The following ATF7IP2 variants were observed in gnomAD, a reference collection of about 807,000 sequenced individuals.
The protein encoded by ATF7IP2 is activating transcription factor 7-interacting protein 2.
Under a neutral mutation model 64.2 loss-of-function variants are expected in ATF7IP2, and 42 were observed. That is an observed-to-expected ratio of 0.65 (90% CI 0.51 to 0.85). ATF7IP2 has a LOEUF of 0.85. Among genes scored for constraint, ATF7IP2 ranks in the 40% least tolerant of loss-of-function variants. ATF7IP2 has a pLI of 0.00. For synonymous variants in ATF7IP2, 308 were observed against 272.8 expected (o/e 1.13, Z -1.27); for missense variants, 933 against 784.2 (o/e 1.19, Z -2.27).
chr16:10,446,245 T>A (rs1433729196), intron 8 of ATF7IP2: 1 of 152,226 alleles, frequency 6.6e-6, no homozygotes, highest in African/African-American at 2.4e-5. Flanking sequence ...TCAGGTCTCT[T>A]TAGATTTGGA....
At chr16:10,477,049 T>C (rs1312254406) in intron 12 of ATF7IP2, among the ~76,000 whole-genome samples, 1 of 152,210 alleles carries the variant, frequency 6.6e-6, no homozygotes, top group Admixed American at 6.5e-5. Context: ...ATGACAATTT[T>C]ATGATGAAAT....
intron 8 of ATF7IP2, among the ~76,000 whole-genome samples, chr16:10,456,240 A>T (rs2049162675): frequency 6.6e-6 from 1 of 152,242 alleles, no homozygotes; most frequent in East Asian, 1.9e-4. Context: ...TGTTTAGCAG[A>T]AAGGAACCAG....
chr16:10,412,002 CT>C (rs1266034395), intron 1 of ATF7IP2, among the ~76,000 whole-genome samples: 2 of 13,410 alleles, frequency 1.5e-4, no homozygotes, highest in Non-Finnish European at 3.1e-4. Flanking sequence ...TTTCATTTAT[CT>C]TTTTTTGTTT....
chr16:10,452,197 G>A (rs112684282), intron 8 of ATF7IP2, among the ~76,000 whole-genome samples: 355 of 152,320 alleles, frequency 2.3e-3, no homozygotes, highest in African/African-American at 8.2e-3. Flanking sequence ...AGGAGAAGAG[G>A]CGTTCTTGTT....
chr16:10,465,451 T>C (rs1416055815), intron 9 of ATF7IP2, among the ~76,000 whole-genome samples: 1 of 151,886 alleles, frequency 6.6e-6, no homozygotes, highest in Non-Finnish European at 1.5e-5. Context: ...ATGTGGTTCA[T>C]TAAAAAAGAG....
At chr16:10,436,766 G>A (rs1216570639) in intron 6 of ATF7IP2, among the ~76,000 whole-genome samples, 13 of 152,116 alleles carry the variant, frequency 8.5e-5, no homozygotes, top group Non-Finnish European at 8.8e-5. Flanking sequence ...ACACTGTGGT[G>A]AAAATTGCTT....
At chr16:10,473,845 A>C in intron 11 of ATF7IP2, 78 bp from the exon 12 acceptor site, 1 of 923,210 alleles carries the variant, frequency 1.1e-6, no homozygotes, top group Non-Finnish European at 1.6e-6. Context: ...ATTTAAAATT[A>C]CCAAATGGTT....
chr16:10,424,487 T>C (rs753366145), intron 3 of ATF7IP2, among the ~76,000 whole-genome samples: 2 of 152,236 alleles, frequency 1.3e-5, no homozygotes, highest in African/African-American at 2.4e-5. Flanking sequence ...TTTAAATCTT[T>C]AGAAATTATG....
chr16:10,406,098 A>G (rs2047633727), intron 1 of ATF7IP2, among the ~76,000 whole-genome samples: 1 of 151,876 alleles, frequency 6.6e-6, no homozygotes, highest in Non-Finnish European at 1.5e-5. Flanking sequence ...CAAAAAAAAA[A>G]AAGAAAAGCT....
intron 9 of ATF7IP2, 172 bp downstream of exon 9, chr16:10,457,701 T>G (rs1470922878): frequency 6.2e-6 from 3 of 481,520 alleles, no homozygotes; most frequent in South Asian, 4.3e-5. Context: ...TTTTTTTTGG[T>G]TTTTGGGTTT....
At chr16:10,425,462 T>C (rs527656972) in intron 3 of ATF7IP2, among the ~76,000 whole-genome samples, 1 of 152,094 alleles carries the variant, frequency 6.6e-6, no homozygotes, top group South Asian at 2.1e-4. Flanking sequence ...TATTAAATAA[T>C]ATAGAAGCAA....
chr16:10,388,662 A>G (rs2047256560), intron 1 of ATF7IP2, among the ~76,000 whole-genome samples: 1 of 152,186 alleles, frequency 6.6e-6, no homozygotes, highest in Non-Finnish European at 1.5e-5. Context: ...TTAAGTGAAT[A>G]TTCATTAAAC....
intron 1 of ATF7IP2, among the ~76,000 whole-genome samples, chr16:10,413,498 C>T (rs146796255): frequency 1.1e-3 from 175 of 152,296 alleles, no homozygotes; most frequent in Middle Eastern, 3.4e-3. Context: ...ATGTCTTTAT[C>T]ACCAGCATGA....
Position 10,433,576 on chromosome 16 carries a change from G to T in ATF7IP2, c.887G>T (p.Arg296Leu). 1 of 1,612,942 alleles carries T rather than the reference G, an allele frequency of 6.2e-7. No homozygotes were observed. The highest frequency in any genetic ancestry group is 8.5e-7 in the Non-Finnish European group (1 of 1,178,980). ...MFSENEENVK[R>L]MKTSEQINEN... ...TCAGAAAACGAGGAAAATGTTAAAC[G>T]CATGAAAACTTCAGAGCAAATTAAT... The change falls in exon 6 of 14, where the codon CGC becomes CTC. Residue 296 changes from arginine to leucine, a missense_variant. Coordinates refer to ENST00000562102, the MANE Select transcript of ATF7IP2 (RefSeq NM_001393719.1).
intron 1 of ATF7IP2, among the ~76,000 whole-genome samples, chr16:10,389,715 G>A (rs1343557767): frequency 6.6e-6 from 1 of 152,182 alleles, no homozygotes; most frequent in African/African-American, 2.4e-5. Context: ...GGGAGTGCTG[G>A]CAAGCAACTG....
At position 10,483,339 on chromosome 16, in the gene ATF7IP2, T is replaced by G. The variant is rs2050305677; in HGVS notation, c.*1090T>G. ...GATCATTTCCTGGCCACCATCACAA[T>G]ACTAAGGGGCTCAGATGTGTCTTGT... On this transcript the variant is annotated 3_prime_UTR_variant, in exon 14 of 14. Transcript: ENST00000562102. The G allele has an allele frequency of 6.6e-6, 1 of 152,106 alleles. No homozygotes were observed. The highest frequency in any genetic ancestry group is 1.5e-5 in the Non-Finnish European group (1 of 68,028). 9.4% of individuals were successfully genotyped at this position (152,106 alleles called of 1,614,324 possible).
intron 3 of ATF7IP2, among the ~76,000 whole-genome samples, chr16:10,421,228 G>GCCA (rs2047982740): frequency 6.6e-6 from 1 of 152,126 alleles, no homozygotes. Flanking sequence ...TGGAAGAAAA[G>GCCA]CCACTGTACA....
intron 1 of ATF7IP2, among the ~76,000 whole-genome samples, chr16:10,401,899 A>C (rs1488695999): frequency 6.6e-6 from 1 of 151,748 alleles, no homozygotes; most frequent in Non-Finnish European, 1.5e-5. Flanking sequence ...GTCAGTATAT[A>C]GTTGTTCATA....
chr16:10,456,742 G>C (rs924612103), intron 8 of ATF7IP2, among the ~76,000 whole-genome samples: 1 of 152,184 alleles, frequency 6.6e-6, no homozygotes, highest in African/African-American at 2.4e-5. Context: ...TGCTGCTGTG[G>C]TGAATTGGGC....
Sources: gnomAD v4.1 joint callset for allele counts (sites outside exome capture counted in the v4.1 genomes callset) on GRCh38, gnomAD v4.1.1 for gene constraint, MANE v1.5 for transcripts, NCBI Gene and HGNC (gene_info 2026-07-23, HGNC 2026-07-21) for gene names.